Variants in FHOD3 observed in about 807,000 individuals in gnomAD.
The protein encoded by FHOD3 is formin homology 2 domain containing 3, also known as FH1/FH2 domain-containing protein 3.
FHOD3 carries 90 observed loss-of-function variants against 173.0 expected under a neutral mutation model. The ratio of observed to expected loss-of-function variants is 0.52; its 90% confidence interval spans 0.44 to 0.62. The LOEUF (loss-of-function observed/expected upper bound fraction) is 0.62. Among genes scored for constraint, FHOD3 ranks in the 20% least tolerant of loss-of-function variants. The pLI, the probability that FHOD3 is intolerant of heterozygous loss-of-function variation, is 0.00. For synonymous variants in FHOD3, 828 were observed against 823.0 expected (o/e 1.01, Z -0.10); for missense variants, 1,945 against 2,034.7 (o/e 0.96, Z 0.85).
At chr18:36,308,310 T>A (rs2092157673) in intron 1 of FHOD3, among the ~76,000 whole-genome samples, 1 of 152,222 alleles carries the variant, frequency 6.6e-6, no homozygotes, top group African/African-American at 2.4e-5. Flanking sequence ...ATAGGAGCAG[T>A]TACCCTCATT....
chr18:36,446,300 C>T (rs894073396), intron 3 of FHOD3, among the ~76,000 whole-genome samples: 13 of 152,140 alleles, frequency 8.5e-5, no homozygotes, highest in African/African-American at 1.4e-4. Context: ...TCATTAGTCG[C>T]GGTGAAATCA....
chr18:36,686,286 A>T (rs1049671080), intron 15 of FHOD3, among the ~76,000 whole-genome samples: 4 of 152,060 alleles, frequency 2.6e-5, no homozygotes, highest in Non-Finnish European at 4.4e-5. Context: ...AAAAGGAATG[A>T]GATCACATCC....
At chr18:36,415,735 C>T (rs540018588) in intron 3 of FHOD3, among the ~76,000 whole-genome samples, 1 of 152,332 alleles carries the variant, frequency 6.6e-6, no homozygotes, top group Non-Finnish European at 1.5e-5. Flanking sequence ...AAATGCCAAA[C>T]TCTGGACTAT....
intron 3 of FHOD3, among the ~76,000 whole-genome samples, chr18:36,481,946 C>T (rs1348293621): frequency 6.6e-6 from 1 of 151,996 alleles, no homozygotes; most frequent in Non-Finnish European, 1.5e-5. Flanking sequence ...GTAAAGGGAG[C>T]TTGTTATGGG....
At position 36,755,099 on chromosome 18, in the gene FHOD3, T is replaced by C; in HGVS notation, c.4233-20T>C. 1 of 1,527,966 alleles carries C rather than the reference T, an allele frequency of 6.5e-7. No homozygotes were observed. The highest frequency in any genetic ancestry group is 2.5e-5 in the East Asian group (1 of 40,526). 94.7% of individuals were successfully genotyped at this position (1,527,966 alleles called of 1,614,324 possible). ...TTTCTTAAAACGGAAGTCATTGCTA[T>C]TACTGTTTTTTCCTTGCAGATTCCA... On this transcript the variant is annotated intron_variant, in intron 24 of 28. Coordinates refer to ENST00000590592, the MANE Select transcript of FHOD3 (RefSeq NM_001281740.3).
At chr18:36,643,464 A>T (rs1226075458) in intron 10 of FHOD3, among the ~76,000 whole-genome samples, 1 of 152,152 alleles carries the variant, frequency 6.6e-6, no homozygotes, top group East Asian at 1.9e-4. Flanking sequence ...CTGGTGCAGA[A>T]TCGCTGCCCT....
rs1379763356 is a variant in FHOD3, at chr18:36,652,928, A to G, written c.1645A>G (p.Ser549Gly). ...GGAAGCAGAGTCCCAGAAGGAAAAC[A>G]GGTAGATTTGCTCACCTGGAGGCTT... ...EKEAESQKEN[S>G]SSDSFSLSTY... The change falls in exon 12 of 29, where the codon AGT becomes GGT. Residue 549 changes from serine to glycine, a missense_variant and splice_region_variant. Coordinates refer to ENST00000590592, the MANE Select transcript of FHOD3 (RefSeq NM_001281740.3). 3.9e-6 allele frequency: 6 copies of G among 1,528,870 alleles called. No individual in the cohort carries two copies. Among genetic ancestry groups the G allele is most frequent in the Non-Finnish European group, 5.3e-6 (6 of 1,141,626 alleles). The allele number at this position is 1,528,870 out of a possible 1,614,324, so 94.7% of individuals were successfully genotyped here.
chr18:36,476,598 G>C (rs539174756), intron 3 of FHOD3, among the ~76,000 whole-genome samples: 2 of 152,314 alleles, frequency 1.3e-5, no homozygotes, highest in East Asian at 3.9e-4. Context: ...GTTGAAGTCA[G>C]CTCTTAAGCC....
In FHOD3 at chr18:36,299,960, A is replaced by G. The variant is rs76993835; in HGVS notation, c.165+1960A>G. On this transcript the variant is annotated intron_variant, in intron 1 of 28. Coordinates refer to ENST00000590592, the MANE Select transcript of FHOD3 (RefSeq NM_001281740.3). ...AGTCAGGGCATTTATGTGCCTGGGT[A>G]TACATTCATATTGTTAAGATGATAC... Among the ~76,000 whole-genome samples the G allele has an allele frequency of 5.3e-3, 804 of 152,332 alleles. 6 individuals carry two copies. The highest frequency in any genetic ancestry group is 0.018 in the African/African-American group (758 of 41,558).
intron 13 of FHOD3, among the ~76,000 whole-genome samples, chr18:36,653,988 G>A (rs904617374): frequency 2.0e-5 from 3 of 152,158 alleles, no homozygotes; most frequent in Admixed American, 1.3e-4. Context: ...AGTATGTTGC[G>A]AGGCGGTTTC....
chr18:36,426,738 G>C (rs1009847742), intron 3 of FHOD3, among the ~76,000 whole-genome samples: 1 of 152,194 alleles, frequency 6.6e-6, no homozygotes, highest in Non-Finnish European at 1.5e-5. Flanking sequence ...AGTAACTGAA[G>C]TTGTCACATA....
chr18:36,670,017 T>A (rs2037425712), intron 14 of FHOD3, among the ~76,000 whole-genome samples: 1 of 151,020 alleles, frequency 6.6e-6, no homozygotes, highest in African/African-American at 2.4e-5. Flanking sequence ...GAATTATAAG[T>A]TGATAGCGTT....
At chr18:36,554,404 C>G (rs959416922) in intron 5 of FHOD3, among the ~76,000 whole-genome samples, 2 of 147,778 alleles carry the variant, frequency 1.4e-5, no homozygotes, top group African/African-American at 5.0e-5. Context: ...CCAAACACTG[C>G]GTATTCTCAC....
intron 3 of FHOD3, among the ~76,000 whole-genome samples, chr18:36,463,794 C>G (rs945704243): frequency 6.6e-6 from 1 of 152,156 alleles, no homozygotes; most frequent in Admixed American, 6.5e-5. Flanking sequence ...ATACCTGGCC[C>G]AAGTGCCAAT....
At chr18:36,739,945 T>C (rs1343032782) in intron 20 of FHOD3, among the ~76,000 whole-genome samples, 1 of 152,182 alleles carries the variant, frequency 6.6e-6, no homozygotes. Context: ...TTTATTTCTT[T>C]TATGTGCCTG....
chr18:36,576,381 C>A, intron 5 of FHOD3, 70 bp from the exon 6 acceptor site: 3 of 1,113,978 alleles, frequency 2.7e-6, no homozygotes, highest in Non-Finnish European at 4.0e-6. Context: ...TCTTGATCAG[C>A]ATTATGATCA....
Position 36,553,132 on chromosome 18 carries a change from C to G in FHOD3, c.512-23319C>G, listed in dbSNP as rs574687333. Reference sequence around the variant, plus strand: ...ATGATGGATTACATTTATTGATTTGCATATGTTGAACCAGCCTTGCATCCC... The same window carrying G: ...ATGATGGATTACATTTATTGATTTGGATATGTTGAACCAGCCTTGCATCCC... On this transcript the variant is annotated intron_variant, in intron 5 of 28. Transcript: ENST00000590592. Among the ~76,000 whole-genome samples the G allele has an allele frequency of 9.2e-4, 140 of 152,226 alleles. 1 individual carries two copies. The highest frequency in any genetic ancestry group is 3.1e-3 in the African/African-American group (130 of 41,528).
At chr18:36,577,695 G>C (rs761510684) in intron 6 of FHOD3, among the ~76,000 whole-genome samples, 3 of 152,214 alleles carry the variant, frequency 2.0e-5, no homozygotes, top group Non-Finnish European at 4.4e-5. Flanking sequence ...TGAGGAAATA[G>C]TGCTTGATTA....
intron 4 of FHOD3, among the ~76,000 whole-genome samples, chr18:36,510,754 A>C (rs906505729): frequency 6.6e-6 from 1 of 152,230 alleles, no homozygotes; most frequent in African/African-American, 2.4e-5. Flanking sequence ...ATGAGTGTAA[A>C]GTAATTTTCC....
Sources: gnomAD v4.1 joint callset for allele counts (sites outside exome capture counted in the v4.1 genomes callset) on GRCh38, gnomAD v4.1.1 for gene constraint, MANE v1.5 for transcripts, NCBI Gene and HGNC (gene_info 2026-07-23, HGNC 2026-07-21) for gene names.